VTI1A: variants seen among roughly 807,000 people sequenced by gnomAD.
VTI1A encodes vesicle transport through interaction with t-SNAREs 1A.
A neutral mutation model predicts 34.9 loss-of-function variants in VTI1A; 22 were observed. The ratio of observed to expected loss-of-function variants is 0.63; its 90% CI spans 0.45 to 0.90. The LOEUF is 0.90. VTI1A is among the 40% of genes least tolerant of loss of function. VTI1A has a pLI of 0.00. For missense variants in VTI1A, 268 were observed against 275.6 expected (o/e 0.97, Z 0.20); for synonymous variants, 87 against 97.3 (o/e 0.89, Z 0.62).
At chr10:112,650,585 G>A (rs994143086) in intron 5 of VTI1A, among the ~76,000 whole-genome samples, 1 of 152,068 alleles carries the variant, frequency 6.6e-6, no homozygotes, top group Non-Finnish European at 1.5e-5. Context: ...GTGCATAATT[G>A]TATATGCTAT....
chr10:112,707,079 A>G (rs1849224926), intron 7 of VTI1A, among the ~76,000 whole-genome samples: 1 of 152,200 alleles, frequency 6.6e-6, no homozygotes, highest in Non-Finnish European at 1.5e-5. Context: ...AAAATTCAGA[A>G]AGGGTTAAAG....
intron 7 of VTI1A, among the ~76,000 whole-genome samples, chr10:112,806,597 T>TA (rs1853089774): frequency 1.3e-5 from 2 of 151,500 alleles, no homozygotes; most frequent in Admixed American, 1.3e-4. Context: ...TATTTTTTTT[T>TA]ATTTTTGAGA....
intron 7 of VTI1A, among the ~76,000 whole-genome samples, chr10:112,689,320 A>G (rs1848534187): frequency 6.6e-6 from 1 of 152,180 alleles, no homozygotes; most frequent in African/African-American, 2.4e-5. Context: ...TGTCATCAGT[A>G]ACAGTCATGT....
At chr10:112,528,933 C>T (rs917483275) in intron 4 of VTI1A, among the ~76,000 whole-genome samples, 3 of 151,942 alleles carry the variant, frequency 2.0e-5, no homozygotes, top group African/African-American at 4.8e-5. Context: ...ATTTGCCTTG[C>T]GTACATATAA....
intron 5 of VTI1A, among the ~76,000 whole-genome samples, chr10:112,663,972 C>T (rs1265514472): frequency 6.6e-6 from 1 of 152,188 alleles, no homozygotes; most frequent in African/African-American, 2.4e-5. Context: ...TCCTTATATG[C>T]AAACAATAGT....
At chr10:112,775,577 G>GA (rs34442601) in intron 7 of VTI1A, among the ~76,000 whole-genome samples, 12,427 of 151,940 alleles carry the variant, frequency 0.082, 636 homozygotes, top group Middle Eastern at 0.13. Context: ...AGCAGAGGGG[G>GA]AAAAAAAATC....
chr10:112,649,439 G>A (rs914579426), intron 5 of VTI1A, among the ~76,000 whole-genome samples: 1 of 152,188 alleles, frequency 6.6e-6, no homozygotes, highest in Non-Finnish European at 1.5e-5. Context: ...TCAATCTAGT[G>A]CCTACTATGG....
chr10:112,642,213 A>T (rs1846603032), intron 5 of VTI1A, among the ~76,000 whole-genome samples: 1 of 152,132 alleles, frequency 6.6e-6, no homozygotes, highest in Non-Finnish European at 1.5e-5. Context: ...GATTGTTCCA[A>T]TTTTTTTCCT....
At chr10:112,480,501 A>C (rs1465506626) in intron 3 of VTI1A, among the ~76,000 whole-genome samples, 2 of 152,154 alleles carry the variant, frequency 1.3e-5, no homozygotes, top group Non-Finnish European at 2.9e-5. Flanking sequence ...AGGGAGGGTC[A>C]TTCAACCCAT....
intron 7 of VTI1A, among the ~76,000 whole-genome samples, chr10:112,688,414 T>A (rs569315216): frequency 6.3e-4 from 96 of 152,108 alleles, no homozygotes; most frequent in Non-Finnish European, 1.2e-3. Context: ...TTTTTATTCA[T>A]CTGTTGACAT....
chr10:112,672,157 G>T (rs969458210), intron 7 of VTI1A, among the ~76,000 whole-genome samples: 4 of 131,384 alleles, frequency 3.0e-5, no homozygotes, highest in African/African-American at 1.3e-4. Context: ...TGGCTATAAT[G>T]CCCACCTGTT....
In VTI1A at chr10:112,519,958, G is replaced by T. The variant is rs963590584; in HGVS notation, c.265-7129G>T. Among the ~76,000 whole-genome samples the T allele has an allele frequency of 7.2e-5, 11 of 152,044 alleles. No individual in the cohort carries two copies. In the South Asian group the frequency reaches 1.9e-3, roughly 26 times the overall value. On this transcript the variant is annotated intron_variant, in intron 3 of 7. Coordinates refer to ENST00000393077, the MANE Select transcript of VTI1A (RefSeq NM_145206.4). ...GAAACTAGCATTATAGGAATTAATT[G>T]TATACACTTATATACTTTGTTGCAG...
At chr10:112,821,359 GT>G, downstream of VTI1A, among the ~76,000 whole-genome samples, 1 of 152,270 alleles carries the variant, frequency 6.6e-6, no homozygotes, top group South Asian at 2.1e-4. Flanking sequence ...CCCCAGGTGT[GT>G]TCAGGAGGGG....
At chr10:112,566,478 C>G (rs927899269) in intron 5 of VTI1A, among the ~76,000 whole-genome samples, 2 of 152,170 alleles carry the variant, frequency 1.3e-5, no homozygotes, top group African/African-American at 4.8e-5. Context: ...AAACGTCCTT[C>G]TTTGATCTTG....
At position 112,452,641 on chromosome 10, in the gene VTI1A, G is replaced by C. The variant is rs1175352501; in HGVS notation, c.94+5174G>C. ...ATAATATACATTCATATAAACAATT[G>C]TGTGTGTGTATGCATCTATAGATCT... On this transcript the variant is annotated intron_variant, in intron 1 of 7. Coordinates refer to ENST00000393077, the MANE Select transcript of VTI1A (RefSeq NM_145206.4). Among the ~76,000 whole-genome samples, 4 of 150,764 alleles carry C rather than the reference G, an allele frequency of 2.7e-5. No individual in the cohort carries two copies. The East Asian group carries it at 7.8e-4, about 29-fold the overall frequency.
intron 3 of VTI1A, among the ~76,000 whole-genome samples, chr10:112,526,569 C>G (rs1850232067): frequency 1.3e-5 from 2 of 152,050 alleles, no homozygotes. Context: ...TTAGTAGCAT[C>G]ACAATAATGA....
intron 5 of VTI1A, among the ~76,000 whole-genome samples, chr10:112,627,378 C>T (rs150955671): frequency 3.3e-5 from 5 of 152,182 alleles, no homozygotes; most frequent in African/African-American, 1.2e-4. Context: ...TATATAGGTT[C>T]AGCAAACCCT....
At chr10:112,700,102 A>G (rs1848947949) in intron 7 of VTI1A, among the ~76,000 whole-genome samples, 1 of 142,274 alleles carries the variant, frequency 7.0e-6, no homozygotes, top group South Asian at 2.4e-4. Context: ...TGGGTAACAG[A>G]GCGAGACTCC....
intron 5 of VTI1A, among the ~76,000 whole-genome samples, chr10:112,661,303 A>G (rs1054243044): frequency 5.3e-5 from 8 of 152,104 alleles, no homozygotes; most frequent in Non-Finnish European, 7.4e-5. Context: ...TTTAGTAGAG[A>G]CAGGGTTTTG....
Sources: allele counts gnomAD v4.1 joint callset (sites outside exome capture counted in the v4.1 genomes callset), GRCh38; gene constraint gnomAD v4.1.1; transcripts MANE v1.5; gene names NCBI Gene and HGNC (gene_info 2026-07-23, HGNC 2026-07-21).